USP18: variants seen among roughly 807,000 people sequenced by gnomAD.
USP18 encodes ubl carboxyl-terminal hydrolase 18.
Under a neutral mutation model 48.7 loss-of-function variants are expected in USP18, and 11 were observed. The observed-to-expected ratio is 0.23, with a 90% CI of 0.14 to 0.37. The LOEUF is 0.37. Among genes scored for constraint, USP18 ranks in the 10% least tolerant of loss-of-function variants. The pLI, the probability that USP18 is intolerant of heterozygous loss-of-function variation, is 1.00. For synonymous variants in USP18, 114 were observed against 163.2 expected, an observed-to-expected ratio of 0.70 and a Z score of 2.30; for missense variants, 285 against 436.4, an observed-to-expected ratio of 0.65 and a Z score of 3.09.
Position 18,156,009 on chromosome 22 carries a change from A to C in USP18, c.-106-1549A>C, listed in dbSNP as rs361784. On this transcript the variant is annotated intron_variant, in intron 1 of 10. Coordinates refer to ENST00000215794, the MANE Select transcript of USP18 (RefSeq NM_017414.4). ...CTAGCTAAGGGATTGTAAATATACCAATCGGCACTCTGTATCTAGCTCAAG... is the reference window on the plus strand; with the variant it reads ...CTAGCTAAGGGATTGTAAATATACCCATCGGCACTCTGTATCTAGCTCAAG... Among the ~76,000 whole-genome samples the C allele has an allele frequency of 1.8e-3, 275 of 152,204 alleles. 1 individual carries two copies. The highest frequency in any genetic ancestry group is 6.4e-3 in the African/African-American group (265 of 41,526).
At chr22:18,157,432 C>G in intron 1 of USP18, 126 bp from the exon 2 acceptor site, 2 of 526,298 alleles carry the variant, frequency 3.8e-6, no homozygotes, top group Non-Finnish European at 3.4e-6. Context: ...CAGCCTAGAG[C>G]TCTATGAGTC....
chr22:18,157,913 C>G (rs922263728), intron 2 of USP18, 93 bp downstream of exon 2: 17 of 1,513,408 alleles, frequency 1.1e-5, no homozygotes, highest in Middle Eastern at 1.8e-4. Flanking sequence ...TTGTATTCGA[C>G]GGCTCATGCT....
At chr22:18,160,777 T>TC (rs1247031608) in intron 3 of USP18, among the ~76,000 whole-genome samples, 2 of 149,342 alleles carry the variant, frequency 1.3e-5, no homozygotes, top group Non-Finnish European at 1.5e-5. Flanking sequence ...CTTTTTTTTT[T>TC]TTTTTTTTTT....
chr22:18,166,360 A>G (rs1447852831), intron 4 of USP18, among the ~76,000 whole-genome samples: 1 of 151,802 alleles, frequency 6.6e-6, no homozygotes, highest in Non-Finnish European at 1.5e-5. Context: ...ATCTTTTGAC[A>G]TGGTTTTCTT....
chr22:18,154,815 AC>A (rs1397613121), intron 1 of USP18, among the ~76,000 whole-genome samples: 2 of 151,978 alleles, frequency 1.3e-5, no homozygotes, highest in African/African-American at 4.8e-5. Context: ...TCTCTGATTG[AC>A]CTTGATCCTT....
intron 1 of USP18, among the ~76,000 whole-genome samples, chr22:18,155,380 C>G (rs531035707): frequency 1.3e-5 from 2 of 152,256 alleles, no homozygotes; most frequent in African/African-American, 4.8e-5. Context: ...TCACAGCCCT[C>G]GCTCGCTCTC....
At chr22:18,165,053 G>A (rs1236660101) in intron 4 of USP18, among the ~76,000 whole-genome samples, 5 of 146,570 alleles carry the variant, frequency 3.4e-5, no homozygotes, top group African/African-American at 1.3e-4. Context: ...TTCAGAGGGA[G>A]TTGATCTGTG....
At chr22:18,157,371 T>C (rs1333233248) in intron 1 of USP18, among the ~76,000 whole-genome samples, 187 bp from the exon 2 acceptor site, 2 of 152,176 alleles carry the variant, frequency 1.3e-5, no homozygotes, top group East Asian at 1.9e-4. Flanking sequence ...TGAGGATGAA[T>C]GGAAACGCCT....
chr22:18,161,301 G>A (rs1398485908), intron 3 of USP18, among the ~76,000 whole-genome samples: 4 of 129,968 alleles, frequency 3.1e-5, no homozygotes, highest in Admixed American at 8.2e-5. Context: ...TTTCCCATCC[G>A]AAAAATGCCT....
intron 10 of USP18, among the ~76,000 whole-genome samples, chr22:18,175,325 C>T (rs1453938352): frequency 6.6e-6 from 1 of 151,984 alleles, no homozygotes; most frequent in Non-Finnish European, 1.5e-5. Flanking sequence ...ATCAGAGATC[C>T]TATTTGAGGT....
In USP18 at chr22:18,168,404, C is replaced by G. The variant is rs200418741; in HGVS notation, c.627+368C>G. Among the ~76,000 whole-genome samples, 11 of 136,244 alleles carry G rather than the reference C, an allele frequency of 8.1e-5. No homozygotes were observed. In the East Asian group the frequency reaches 8.1e-4, roughly 10 times the overall value. The allele number at this position is 136,244 out of a possible 152,430, so 89.4% of individuals were successfully genotyped here. A position where few individuals can be genotyped will look rare whatever the true frequency, so the allele number is the denominator to read the frequency against. On this transcript the variant is annotated intron_variant, in intron 6 of 10. Coordinates refer to ENST00000215794, the MANE Select transcript of USP18 (RefSeq NM_017414.4). ...TCATGATGCAATAACCTCCCCCCCC[C>G]CTTTTTTTTGGAGACAGAGTCTTCC...
At chr22:18,152,755 G>A (rs895301934) in intron 1 of USP18, among the ~76,000 whole-genome samples, 10 of 151,890 alleles carry the variant, frequency 6.6e-5, no homozygotes, top group Admixed American at 2.6e-4. Flanking sequence ...TTGCTGCCCC[G>A]CCTCCCTGTC....
At chr22:18,159,054 C>A (rs1929246713) in intron 2 of USP18, among the ~76,000 whole-genome samples, 1 of 152,004 alleles carries the variant, frequency 6.6e-6, no homozygotes. Flanking sequence ...TGTTATCGAA[C>A]TTTTTGTGTG....
At chr22:18,154,358 G>T (rs1929073079) in intron 1 of USP18, among the ~76,000 whole-genome samples, 3 of 152,132 alleles carry the variant, frequency 2.0e-5, no homozygotes, top group African/African-American at 7.2e-5. Flanking sequence ...ACATGGCTGT[G>T]TAAGGATAAA....
intron 1 of USP18, among the ~76,000 whole-genome samples, chr22:18,157,058 C>T (rs972630879): frequency 1.3e-5 from 2 of 152,224 alleles, no homozygotes; most frequent in Non-Finnish European, 2.9e-5. Context: ...CAGGATGTGC[C>T]TAAGGCCGAC....
chr22:18,154,105 G>C (rs897727587), intron 1 of USP18, among the ~76,000 whole-genome samples: 1 of 149,890 alleles, frequency 6.7e-6, no homozygotes, highest in Non-Finnish European at 1.5e-5. Context: ...TAGATCATGT[G>C]GTATATCTAT....
intron 2 of USP18, 107 bp downstream of exon 2, chr22:18,157,927 C>A (rs1929216816): frequency 6.9e-7 from 1 of 1,450,178 alleles, no homozygotes; most frequent in Non-Finnish European, 9.4e-7. Flanking sequence ...TCATGCTTTC[C>A]TGTGCCTGAG....
In USP18 at chr22:18,167,966, G is replaced by C. The variant is rs1204607204; in HGVS notation, c.557G>C (p.Ser186Thr). ...LICVDCAMES[S>T]RNSSMLTLPL... ...TGCGTTGACTGTGCCATGGAGAGTAGCAGAAACAGCAGCATGCTCACCCTC... is the reference window on the plus strand; with the variant it reads ...TGCGTTGACTGTGCCATGGAGAGTACCAGAAACAGCAGCATGCTCACCCTC... Residue 186 changes from serine to threonine, a missense_variant, in exon 6 of 11, where the codon AGC (serine) becomes ACC (threonine). Ser to Thr is a moderately conservative substitution (Grantham distance 58, BLOSUM62 1). Around this residue, in one of 5 missense-constraint regions of USP18, gnomAD observed 199 missense variants for 239.6 expected, o/e 0.83. Transcript: ENST00000215794. 1.2e-6 allele frequency: 2 copies of C among 1,614,130 alleles called. No individual in the cohort carries two copies. The highest frequency in any genetic ancestry group is 1.7e-6 in the Non-Finnish European group (2 of 1,180,028).
rs539750891 is a variant in USP18 at position 18,161,504 on chromosome 22, AG to A, written c.255-282del. On this transcript the variant is annotated intron_variant, in intron 3 of 10. Transcript: ENST00000215794. ...AGCACGATTGCTGGGCAGGGTGCAG[AG>A]GGGCCAAGGCAGCAGTCATGCTGAT... Among the ~76,000 whole-genome samples the A allele has an allele frequency of 9.1e-3, 324 of 35,486 alleles. 6 individuals carry two copies. The highest frequency in any genetic ancestry group is 0.035 in the African/African-American group (295 of 8,326). 23.3% of individuals were successfully genotyped at this position (35,486 alleles called of 152,430 possible). A position where few individuals can be genotyped will look rare whatever the true frequency, so the allele number is the denominator to read the frequency against.
Sources: gnomAD v4.1 joint callset for allele counts (sites outside exome capture counted in the v4.1 genomes callset) on GRCh38, gnomAD v4.1.1 for gene constraint, gnomAD v4.1.1 regional missense constraint, MANE v1.5 for transcripts, NCBI Gene and HGNC (gene_info 2026-07-23, HGNC 2026-07-21) for gene names.